Variants in CCDC85A observed in about 807,000 individuals in gnomAD.
The protein encoded by CCDC85A is coiled-coil domain-containing protein 85A.
In CCDC85A, 38 loss-of-function variants were observed where a neutral mutation model predicts 50.2. The ratio of observed to expected loss-of-function variants is 0.76; its 90% CI spans 0.58 to 0.99. CCDC85A has a LOEUF of 0.99. Ranked by LOEUF, CCDC85A falls within the 50% of genes least tolerant of loss-of-function variation. The pLI is 0.00. For missense variants in CCDC85A, 820 were observed against 742.0 expected, an observed-to-expected ratio of 1.11 and a Z score of -1.22; for synonymous variants, 366 against 301.4, an observed-to-expected ratio of 1.21 and a Z score of -2.22.
chr2:56,247,559 G>A (rs1309533137), intron 2 of CCDC85A, among the ~76,000 whole-genome samples: 1 of 152,138 alleles, frequency 6.6e-6, no homozygotes, highest in Non-Finnish European at 1.5e-5. Context: ...TGGGGTCCTT[G>A]AAGCCACCTT....
At chr2:56,229,538 G>T (rs1267193532) in intron 2 of CCDC85A, among the ~76,000 whole-genome samples, 1 of 152,076 alleles carries the variant, frequency 6.6e-6, no homozygotes, top group Non-Finnish European at 1.5e-5. Flanking sequence ...CCTATAGGAA[G>T]AAGAGAGAAA....
intron 1 of CCDC85A, 26 bp downstream of exon 1, chr2:56,184,926 G>A (rs889715163): frequency 2.1e-6 from 3 of 1,457,454 alleles, no homozygotes; most frequent in Non-Finnish European, 2.7e-6. Flanking sequence ...GTGGGGAGGC[G>A]CGGCGCGGCT....
At chr2:56,266,446 A>T (rs1019629227) in intron 2 of CCDC85A, among the ~76,000 whole-genome samples, 8 of 152,162 alleles carry the variant, frequency 5.3e-5, no homozygotes, top group African/African-American at 1.9e-4. Context: ...GATTCTCAGG[A>T]CAAAGAAACG....
At chr2:56,189,142 T>C (rs1676178767) in intron 1 of CCDC85A, among the ~76,000 whole-genome samples, 1 of 152,120 alleles carries the variant, frequency 6.6e-6, no homozygotes, top group South Asian at 2.1e-4. Context: ...TGCACAGACG[T>C]AATCATAGCT....
chr2:56,287,127 C>T (rs78338182), intron 2 of CCDC85A, among the ~76,000 whole-genome samples: 5,571 of 152,266 alleles, frequency 0.037, 157 homozygotes, highest in Non-Finnish European at 0.056. Flanking sequence ...ATCTCCCAGG[C>T]TTGCAGTAGT....
At chr2:56,251,879 C>CT (rs1553399515) in intron 2 of CCDC85A, among the ~76,000 whole-genome samples, 2 of 145,138 alleles carry the variant, frequency 1.4e-5, no homozygotes, top group East Asian at 1.9e-4. Context: ...TGGCTGATTT[C>CT]TTTTTTTTCC....
At chr2:56,264,098 G>A (rs1295430422) in intron 2 of CCDC85A, among the ~76,000 whole-genome samples, 2 of 152,142 alleles carry the variant, frequency 1.3e-5, no homozygotes, top group Non-Finnish European at 2.9e-5. Context: ...GGCTGCATGT[G>A]GCCCTCAGGC....
chr2:56,368,440 T>C (rs747493181), intron 3 of CCDC85A, among the ~76,000 whole-genome samples: 2 of 152,130 alleles, frequency 1.3e-5, no homozygotes, highest in Non-Finnish European at 2.9e-5. Context: ...CTGAACAAAA[T>C]ATTATTTCCC....
Position 56,192,935 on chromosome 2 carries a change from C to T in CCDC85A, c.735C>T (p.Ser245=), listed in dbSNP as rs370459764. ...TGCAGAAGCCCCGGAGCGAGGGCAG[C>T]CCGGAGCACTCCAAGCACAGGAGCG... ...EHLQKPRSEG[S]PEHSKHRSAS... The change falls in exon 2 of 6, where the codon AGC becomes AGT. Residue 245 remains serine, a synonymous_variant. Transcript: ENST00000407595. This position sits in a 1 kb window ranked among gnomAD's most constrained non-coding sequence, Gnocchi z 4.7. 5.8e-5 allele frequency: 93 copies of T among 1,613,122 alleles called. No homozygotes were observed. The highest frequency in any genetic ancestry group is 3.3e-4 in the Middle Eastern group (2 of 6,058).
chr2:56,332,805 A>T (rs1172963625), intron 2 of CCDC85A, among the ~76,000 whole-genome samples: 1 of 152,042 alleles, frequency 6.6e-6, no homozygotes, highest in Non-Finnish European at 1.5e-5. Context: ...AACCTGTCCA[A>T]AGTTTCCATC....
intron 3 of CCDC85A, among the ~76,000 whole-genome samples, chr2:56,348,395 G>GGTAA (rs150848598): frequency 4.1e-4 from 63 of 152,242 alleles, no homozygotes; most frequent in African/African-American, 1.5e-3. Flanking sequence ...TGAAAGGCAT[G>GGTAA]GTAACTCAGA....
chr2:56,191,047 G>C (rs11675033), intron 1 of CCDC85A, among the ~76,000 whole-genome samples: 67,426 of 151,880 alleles, frequency 0.44, 15,151 homozygotes, highest in Non-Finnish European at 0.47. Context: ...TGCTCACCTC[G>C]CTGTACTTGA....
chr2:56,277,760 C>CCTT (rs1270430450), intron 2 of CCDC85A, among the ~76,000 whole-genome samples: 1 of 152,206 alleles, frequency 6.6e-6, no homozygotes, highest in Non-Finnish European at 1.5e-5. Flanking sequence ...CGCAGAGTCT[C>CCTT]CTAAGGAGCT....
chr2:56,358,859 A>G (rs1032053855), intron 3 of CCDC85A, among the ~76,000 whole-genome samples: 10 of 151,132 alleles, frequency 6.6e-5, no homozygotes, highest in Non-Finnish European at 1.2e-4. Context: ...ATCTTGGCTC[A>G]CTGCAACCTC....
In CCDC85A at chr2:56,247,175, T is replaced by C. The variant is rs185805391; in HGVS notation, c.1240+53735T>C. ...AAAGAAAGTGATTGCCCTACGTTAG[T>C]AGTGTAATTTGAAGGTAACCAGAAC... On this transcript the variant is annotated intron_variant, in intron 2 of 5. Coordinates refer to ENST00000407595, the MANE Select transcript of CCDC85A (RefSeq NM_001080433.2). Among the ~76,000 whole-genome samples the C allele has an allele frequency of 4.6e-5, 7 of 152,318 alleles. No individual in the cohort carries two copies. In the East Asian group the frequency reaches 1.2e-3, roughly 25 times the overall value.
chr2:56,326,601 G>C (rs1164757520), intron 2 of CCDC85A, among the ~76,000 whole-genome samples: 1 of 151,940 alleles, frequency 6.6e-6, no homozygotes, highest in Admixed American at 6.6e-5. Flanking sequence ...ACACATTTAG[G>C]TTGCCCTGTG....
chr2:56,324,605 T>C (rs1028712908), intron 2 of CCDC85A, among the ~76,000 whole-genome samples: 1 of 152,108 alleles, frequency 6.6e-6, no homozygotes, highest in African/African-American at 2.4e-5. Flanking sequence ...CCAGGTAGAC[T>C]TTTTAAAAAT....
At chr2:56,279,838 T>C (rs1671125254) in intron 2 of CCDC85A, among the ~76,000 whole-genome samples, 1 of 152,238 alleles carries the variant, frequency 6.6e-6, no homozygotes. Flanking sequence ...ATTCATTCAC[T>C]GATAGAAATG....
At chr2:56,291,712 C>T (rs1409286947) in intron 2 of CCDC85A, among the ~76,000 whole-genome samples, 1 of 150,402 alleles carries the variant, frequency 6.6e-6, no homozygotes, top group African/African-American at 2.4e-5. Context: ...GTAGATAGAA[C>T]ACGTAAGGCC....
Sources: allele counts gnomAD v4.1 joint callset (sites outside exome capture counted in the v4.1 genomes callset), GRCh38; gene constraint gnomAD v4.1.1; non-coding constraint Gnocchi (gnomAD v3.1); transcripts MANE v1.5; gene names NCBI Gene and HGNC (gene_info 2026-07-23, HGNC 2026-07-21).